The following TBC1D22A variants were observed in gnomAD, a reference collection of about 807,000 sequenced individuals.
The protein encoded by TBC1D22A is TBC1 domain family member 22A.
In TBC1D22A, 38 loss-of-function variants were observed where a neutral mutation model predicts 60.2. That is an observed-to-expected ratio of 0.63 (90% confidence interval 0.49 to 0.83). The LOEUF is 0.83. Ranked by LOEUF, TBC1D22A falls within the 40% of genes least tolerant of loss-of-function variation. The pLI, the probability that TBC1D22A is intolerant of heterozygous loss-of-function variation, is 0.00. For synonymous variants in TBC1D22A, 302 were observed against 281.7 expected (o/e 1.07, Z -0.72); for missense variants, 628 against 701.0 (o/e 0.90, Z 1.18).
intron 7 of TBC1D22A, among the ~76,000 whole-genome samples, chr22:46,908,628 C>T (rs554181271): frequency 6.6e-6 from 1 of 152,268 alleles, no homozygotes; most frequent in East Asian, 1.9e-4. Flanking sequence ...TACAAGCGTG[C>T]TCTTTTAAAG....
intron 11 of TBC1D22A, among the ~76,000 whole-genome samples, chr22:47,079,022 C>T (rs780977639): frequency 9.2e-5 from 14 of 151,734 alleles, no homozygotes; most frequent in South Asian, 2.1e-4. Flanking sequence ...AACAAGAGAG[C>T]GCTACTTTAC....
chr22:46,829,301 C>T (rs1460865022), intron 4 of TBC1D22A, among the ~76,000 whole-genome samples: 1 of 152,148 alleles, frequency 6.6e-6, no homozygotes, highest in African/African-American at 2.4e-5. Context: ...GTTCAGGGCA[C>T]ATATTACGTA....
At chr22:46,948,197 A>G (rs1387553600) in intron 8 of TBC1D22A, among the ~76,000 whole-genome samples, 1 of 152,244 alleles carries the variant, frequency 6.6e-6, no homozygotes, top group Admixed American at 6.5e-5. Context: ...GAGAGAAAAC[A>G]AGAAATCAAA....
At chr22:46,828,875 C>T (rs923444913) in intron 4 of TBC1D22A, among the ~76,000 whole-genome samples, 10 of 152,246 alleles carry the variant, frequency 6.6e-5, no homozygotes, top group African/African-American at 2.2e-4. Flanking sequence ...TCCTTTGTGC[C>T]TGGTGCTGTT....
At chr22:46,863,059 A>G (rs755555872) in intron 4 of TBC1D22A, among the ~76,000 whole-genome samples, 6 of 152,176 alleles carry the variant, frequency 3.9e-5, no homozygotes. Flanking sequence ...CCCCAGCAGG[A>G]GCTGCCCTCC....
chr22:47,048,646 C>T (rs2063105891), intron 11 of TBC1D22A, among the ~76,000 whole-genome samples: 1 of 152,232 alleles, frequency 6.6e-6, no homozygotes, highest in Non-Finnish European at 1.5e-5. Context: ...CTGTCCCTCT[C>T]TCCTTTCCTC....
intron 12 of TBC1D22A, among the ~76,000 whole-genome samples, chr22:47,166,346 CAA>C (rs1457421154): frequency 6.6e-6 from 1 of 152,160 alleles, no homozygotes; most frequent in East Asian, 1.9e-4. Flanking sequence ...AACGTGAAAA[CAA>C]AGAAAGAGGC....
chr22:46,886,930 A>G (rs1602318135), intron 5 of TBC1D22A, among the ~76,000 whole-genome samples: 1 of 152,200 alleles, frequency 6.6e-6, no homozygotes, highest in East Asian at 1.9e-4. Flanking sequence ...TAGTTTGCTG[A>G]TTCCTGTTGT....
At chr22:47,124,189 G>A (rs910439389) in intron 12 of TBC1D22A, among the ~76,000 whole-genome samples, 21 of 152,214 alleles carry the variant, frequency 1.4e-4, no homozygotes, top group Admixed American at 2.0e-4. Flanking sequence ...CTGCTGCGGT[G>A]GGGGTGGGCG....
chr22:46,844,300 C>T (rs2086897966), intron 4 of TBC1D22A, among the ~76,000 whole-genome samples: 1 of 152,052 alleles, frequency 6.6e-6, no homozygotes, highest in Non-Finnish European at 1.5e-5. Context: ...GTGAACTATT[C>T]CACTGCGTGC....
chr22:46,920,100 A>G (rs2070662137), intron 8 of TBC1D22A, among the ~76,000 whole-genome samples: 1 of 135,194 alleles, frequency 7.4e-6, no homozygotes, highest in Non-Finnish European at 1.6e-5. Flanking sequence ...TGAAGGAGAG[A>G]GACAGAGTGT....
At chr22:46,786,889 T>C (rs902584277) in intron 1 of TBC1D22A, among the ~76,000 whole-genome samples, 1 of 152,196 alleles carries the variant, frequency 6.6e-6, no homozygotes, top group African/African-American at 2.4e-5. Context: ...TCTTGCTTTG[T>C]TGGCCAGGCT....
rs191259600 is a variant in TBC1D22A, at chr22:46,979,107, T to C, written c.1125+4708T>C. The stretch of plus-strand genomic sequence containing the variant: ...TTGATAGGATCTTTTACCCATATAT[T>C]GGCTCTGTAACATCATTCATTGGCG... On this transcript the variant is annotated intron_variant, in intron 9 of 12. Transcript: ENST00000337137. Among the ~76,000 whole-genome samples, 408 of 152,332 alleles carry C rather than the reference T, an allele frequency of 2.7e-3. 2 individuals carry two copies. Among genetic ancestry groups the C allele is most frequent in the African/African-American group, 9.2e-3 (381 of 41,566 alleles).
intron 10 of TBC1D22A, among the ~76,000 whole-genome samples, chr22:47,036,321 A>G (rs569415401): frequency 7.9e-5 from 12 of 152,230 alleles, no homozygotes; most frequent in East Asian, 1.9e-4. Context: ...CATAGGCACC[A>G]TGATCACTGG....
At chr22:46,822,137 C>T (rs1389901390) in intron 4 of TBC1D22A, among the ~76,000 whole-genome samples, 1 of 152,000 alleles carries the variant, frequency 6.6e-6, no homozygotes, top group Non-Finnish European at 1.5e-5. Context: ...AGCAGTTCCT[C>T]TCACCTTTTA....
chr22:47,042,092 A>G (rs139402346), intron 11 of TBC1D22A, among the ~76,000 whole-genome samples: 7 of 152,344 alleles, frequency 4.6e-5, no homozygotes, highest in Admixed American at 1.3e-4. Context: ...TTTATAGAAG[A>G]TGGAACTGGG....
chr22:47,137,095 C>T (rs906726080), intron 12 of TBC1D22A, among the ~76,000 whole-genome samples: 1 of 152,164 alleles, frequency 6.6e-6, no homozygotes, highest in Non-Finnish European at 1.5e-5. Context: ...GGTCTTCGTG[C>T]CGTCTCGTGA....
intron 12 of TBC1D22A, among the ~76,000 whole-genome samples, chr22:47,172,946 G>T (rs1404543682): frequency 1.3e-5 from 2 of 152,252 alleles, no homozygotes; most frequent in Non-Finnish European, 2.9e-5. Context: ...TCTGCTGATG[G>T]TGCTGGTGCC....
chr22:46,981,665 C>A (rs776907660), intron 9 of TBC1D22A, among the ~76,000 whole-genome samples: 1 of 152,210 alleles, frequency 6.6e-6, no homozygotes, highest in South Asian at 2.1e-4. Flanking sequence ...GTGCCTCTTC[C>A]TCTTTGTCTT....
Sources: allele counts gnomAD v4.1 joint callset (sites outside exome capture counted in the v4.1 genomes callset), GRCh38; gene constraint gnomAD v4.1.1; transcripts MANE v1.5; gene names NCBI Gene and HGNC (gene_info 2026-07-23, HGNC 2026-07-21).